PDE3A: variants seen among roughly 807,000 people sequenced by gnomAD.
The protein encoded by PDE3A is cGMP-inhibited 3',5'-cyclic phosphodiesterase 3A.
A neutral mutation model predicts 98.3 loss-of-function variants in PDE3A; 43 were observed. The ratio of observed to expected loss-of-function variants is 0.44; its 90% confidence interval spans 0.34 to 0.56. PDE3A has a LOEUF of 0.56. PDE3A is among the 20% of genes least tolerant of loss of function. The probability of loss-of-function intolerance (pLI) is 0.01; values close to 1 mark genes in which losing one functional copy is unlikely to be tolerated. For synonymous variants in PDE3A, 663 were observed against 567.9 expected, an observed-to-expected ratio of 1.17 and a Z score of -2.38; for missense variants, 1,427 against 1,440.7, an observed-to-expected ratio of 0.99 and a Z score of 0.15.
At chr12:20,522,985 C>G (rs1946456304) in intron 1 of PDE3A, among the ~76,000 whole-genome samples, 1 of 151,638 alleles carries the variant, frequency 6.6e-6, no homozygotes, top group African/African-American at 2.4e-5. Context: ...TTTTAAAAAA[C>G]TAGTTAGCCT....
chr12:20,525,477 G>T (rs7487860), intron 1 of PDE3A, among the ~76,000 whole-genome samples: 10 of 144,980 alleles, frequency 6.9e-5, no homozygotes, highest in African/African-American at 2.1e-4. Flanking sequence ...TGGGGGGGGG[G>T]GCTTTTGACA....
intron 2 of PDE3A, among the ~76,000 whole-genome samples, chr12:20,568,797 T>C (rs112414447): frequency 6.6e-6 from 1 of 152,026 alleles, no homozygotes; most frequent in Admixed American, 6.6e-5. Context: ...ATTAAATTTA[T>C]TTTACTATGT....
At chr12:20,471,355 A>G (rs1261152503) in intron 1 of PDE3A, among the ~76,000 whole-genome samples, 1 of 152,162 alleles carries the variant, frequency 6.6e-6, no homozygotes, top group East Asian at 1.9e-4. Context: ...TGATCAATTA[A>G]ATCCGGGGTA....
chr12:20,565,568 G>A (rs1942635912), intron 2 of PDE3A, among the ~76,000 whole-genome samples: 2 of 151,964 alleles, frequency 1.3e-5, no homozygotes, highest in African/African-American at 4.8e-5. Context: ...AGGTAAAGGT[G>A]ATATAGGGTG....
intron 1 of PDE3A, among the ~76,000 whole-genome samples, chr12:20,398,772 A>T (rs1944067593): frequency 6.6e-6 from 1 of 152,200 alleles, no homozygotes; most frequent in African/African-American, 2.4e-5. Context: ...TATTTTAAGA[A>T]GTCTCAGTGC....
chr12:20,682,473 A>G lies in PDE3A; in HGVS notation c.*2202A>G, dbSNP rs1945816985. The G allele has an allele frequency of 6.6e-6, 1 of 152,226 alleles. No individual in the cohort carries two copies. The highest frequency in any genetic ancestry group is 2.4e-5 in the African/African-American group (1 of 41,466). 9.4% of individuals were successfully genotyped at this position (152,226 alleles called of 1,614,324 possible). On this transcript the variant is annotated 3_prime_UTR_variant, in exon 16 of 16. Coordinates refer to ENST00000359062, the MANE Select transcript of PDE3A (RefSeq NM_000921.5). ...AGGCAAAGATAATACGACAAAAAAT[A>G]TACATGGTTTCAAGGCAAATTCTCC...
chr12:20,596,810 A>G (rs1335422565), intron 2 of PDE3A, among the ~76,000 whole-genome samples: 2 of 152,170 alleles, frequency 1.3e-5, no homozygotes. Context: ...TTTACTGATG[A>G]TGTTAACAAG....
chr12:20,583,992 G>C (rs559650241), intron 2 of PDE3A, among the ~76,000 whole-genome samples: 1 of 152,306 alleles, frequency 6.6e-6, no homozygotes, highest in Non-Finnish European at 1.5e-5. Flanking sequence ...CTCAGGTTCA[G>C]AGAGAGCCAT....
At chr12:20,529,952 C>A (rs1215504378) in intron 1 of PDE3A, among the ~76,000 whole-genome samples, 3 of 152,136 alleles carry the variant, frequency 2.0e-5, no homozygotes, top group South Asian at 2.1e-4. Context: ...TTTTTAATTT[C>A]TTTTGCTGTA....
At chr12:20,655,175 G>A (rs185931700) in intron 15 of PDE3A, among the ~76,000 whole-genome samples, 74 of 152,240 alleles carry the variant, frequency 4.9e-4, no homozygotes, top group Middle Eastern at 6.8e-3. Context: ...AAAAATAAAA[G>A]GAGGGAGATA....
intron 1 of PDE3A, among the ~76,000 whole-genome samples, chr12:20,400,377 T>A: frequency 7.3e-6 from 1 of 137,114 alleles, no homozygotes; most frequent in South Asian, 2.4e-4. Context: ...TCGTTAACAT[T>A]GGTTTTTTTT....
chr12:20,659,868 A>C (rs1293438469), intron 15 of PDE3A, among the ~76,000 whole-genome samples: 1 of 152,204 alleles, frequency 6.6e-6, no homozygotes, highest in African/African-American at 2.4e-5. Flanking sequence ...AACAAAAACT[A>C]GAGAGAAAAT....
At chr12:20,606,866 A>T (rs2121427781) in intron 2 of PDE3A, among the ~76,000 whole-genome samples, 1 of 151,984 alleles carries the variant, frequency 6.6e-6, no homozygotes, top group Admixed American at 6.6e-5. Context: ...AAAAAAAAAA[A>T]AAAATTAAAA....
intron 1 of PDE3A, among the ~76,000 whole-genome samples, chr12:20,474,119 A>G (rs1045803703): frequency 1.3e-5 from 2 of 152,192 alleles, no homozygotes; most frequent in African/African-American, 4.8e-5. Flanking sequence ...GGTGAATTCT[A>G]GTTGTCCTAT....
At chr12:20,373,663 G>A (rs182865823) in intron 1 of PDE3A, among the ~76,000 whole-genome samples, 1 of 152,066 alleles carries the variant, frequency 6.6e-6, no homozygotes, top group Admixed American at 6.5e-5. Context: ...TGTGGTTTCA[G>A]GTAAATACAA....
At chr12:20,530,459 C>G (rs1454313157) in intron 1 of PDE3A, among the ~76,000 whole-genome samples, 1 of 150,492 alleles carries the variant, frequency 6.6e-6, no homozygotes, top group Non-Finnish European at 1.5e-5. Flanking sequence ...GACTATGAGT[C>G]TGTGAATATA....
At position 20,405,133 on chromosome 12, in the gene PDE3A, C is replaced by T. The variant is rs148650839; in HGVS notation, c.960+34889C>T. 2.4e-4 allele frequency among the ~76,000 whole-genome samples: 37 copies of T among 152,206 alleles called. 1 individual carries two copies. In the East Asian group the frequency reaches 6.8e-3, roughly 28 times the overall value. ...GAAATAGAAAAGAGGAAGTATGGTC[C>T]ATGCTGCCCAAACCGCTGCTTCTTA... On this transcript the variant is annotated intron_variant, in intron 1 of 15. Transcript: ENST00000359062.
At chr12:20,603,605 A>T (rs1943645478) in intron 2 of PDE3A, among the ~76,000 whole-genome samples, 1 of 152,010 alleles carries the variant, frequency 6.6e-6, no homozygotes. Context: ...TCTCTGTGCT[A>T]TCTTCATTTA....
intron 2 of PDE3A, among the ~76,000 whole-genome samples, chr12:20,570,870 C>G (rs1330429928): frequency 1.3e-5 from 2 of 152,064 alleles, no homozygotes; most frequent in African/African-American, 2.4e-5. Flanking sequence ...ATTGTCAGCT[C>G]CCCTTGAGGA....
Sources: allele counts gnomAD v4.1 joint callset (sites outside exome capture counted in the v4.1 genomes callset), GRCh38; gene constraint gnomAD v4.1.1; transcripts MANE v1.5; gene names NCBI Gene and HGNC (gene_info 2026-07-23, HGNC 2026-07-21).